LRRCC1: variants seen among roughly 807,000 people sequenced by gnomAD.
LRRCC1 encodes the protein leucine-rich repeat and coiled-coil domain-containing protein 1.
LRRCC1 carries 115 observed loss-of-function variants against 126.0 expected under a neutral mutation model. That is an observed-to-expected ratio of 0.91 (90% CI 0.78 to 1.07). The LOEUF is 1.07. LRRCC1 is among the 50% of genes least tolerant of loss of function. LRRCC1 has a pLI of 0.00. For synonymous variants in LRRCC1, 400 were observed against 393.4 expected, an observed-to-expected ratio of 1.02 and a Z score of -0.20; for missense variants, 1,172 against 1,175.7, an observed-to-expected ratio of 1.00 and a Z score of 0.05.
rs542444412 is a variant in LRRCC1, at chr8:85,138,565, A to G, written c.2840+90A>G. On this transcript the variant is annotated intron_variant, in intron 17 of 18. Transcript: ENST00000360375. Reference sequence around the variant, plus strand: ...TACGTATAAAGAGAGGAGGGCTAAAAATCATGTAAGACATAGTTATTTGCC... The same window carrying G: ...TACGTATAAAGAGAGGAGGGCTAAAGATCATGTAAGACATAGTTATTTGCC... The G allele has an allele frequency of 2.5e-5, 32 of 1,297,990 alleles. No individual in the cohort carries two copies. The East Asian group carries it at 7.3e-4, about 30-fold the overall frequency. 80.4% of individuals were successfully genotyped at this position (1,297,990 alleles called of 1,614,324 possible). A position where few individuals can be genotyped will look rare whatever the true frequency, so the allele number is the denominator to read the frequency against.
At chr8:85,125,481 G>T (rs894990869) in intron 8 of LRRCC1, among the ~76,000 whole-genome samples, 2 of 150,524 alleles carry the variant, frequency 1.3e-5, no homozygotes, top group African/African-American at 2.4e-5. Flanking sequence ...AGACCATCCC[G>T]GCTAAAATGG....
chr8:85,122,045 A>G (rs1011235907), intron 6 of LRRCC1, among the ~76,000 whole-genome samples: 9 of 152,132 alleles, frequency 5.9e-5, no homozygotes, highest in Non-Finnish European at 1.0e-4. Context: ...TTTTCACTGA[A>G]TGTAGAATTC....
chr8:85,124,436 TTAAAC>T (rs1443430918), intron 7 of LRRCC1, among the ~76,000 whole-genome samples: 49 of 152,288 alleles, frequency 3.2e-4, no homozygotes, highest in African/African-American at 1.2e-3. Context: ...TATGTCGATT[TTAAAC>T]TTTTAACTCT....
intron 8 of LRRCC1, among the ~76,000 whole-genome samples, chr8:85,126,230 G>A (rs899289066): frequency 2.6e-5 from 4 of 152,152 alleles, no homozygotes; most frequent in South Asian, 4.1e-4. Context: ...AGCAGGCACT[G>A]TTCTGCACTT....
In LRRCC1 at chr8:85,130,036, G is replaced by C. The variant is rs757621763; in HGVS notation, c.1744G>C (p.Ala582Pro). The C allele has an allele frequency of 2.5e-6, 4 of 1,592,410 alleles. No individual in the cohort carries two copies. Among genetic ancestry groups the C allele is most frequent in the Non-Finnish European group, 3.4e-6 (4 of 1,172,070 alleles). ...EQAQQLHQLLALKEQEHRKEL... is the reference protein window; with the variant it reads ...EQAQQLHQLLPLKEQEHRKEL... The stretch of plus-strand genomic sequence containing the variant: ...AGCGCAACAACTTCATCAACTTCTT[G>C]CATTGAAAGAACAGGAACACAGGTA... The change falls in exon 11 of 19, where the codon GCA becomes CCA. Residue 582 changes from alanine to proline, a missense_variant. Transcript: ENST00000360375.
chr8:85,129,206 T>C lies in LRRCC1; in HGVS notation c.1453T>C (p.Ser485Pro), dbSNP rs374189334. The C allele has an allele frequency of 1.4e-5, 22 of 1,611,512 alleles. No homozygotes were observed. The highest frequency in any genetic ancestry group is 3.4e-5 in the Admixed American group (2 of 59,662). ...LKEIIFRERNSKGQLEVMVHK... is the reference protein window; with the variant it reads ...LKEIIFRERNPKGQLEVMVHK... The stretch of plus-strand genomic sequence containing the variant: ...GGAAATTATTTTTAGAGAGAGAAAT[T>C]CCAAAGGACAACTCGAAGTTATGGT... The change falls in exon 10 of 19, where the codon TCC becomes CCC. Residue 485 changes from serine to proline, a missense_variant. Ser to Pro is a moderately conservative substitution (Grantham distance 74). Coordinates refer to ENST00000360375, the MANE Select transcript of LRRCC1 (RefSeq NM_033402.5).
chr8:85,126,758 A>G lies in LRRCC1; in HGVS notation c.1342A>G (p.Met448Val), dbSNP rs759920199. ...WRAEQAENKL[M>V]DYIDELHKHA... Reference sequence around the variant, plus strand: ...AGCTGAGCAAGCCGAAAATAAACTCATGGATTATATTGATGAGCTGCATAA... The same window carrying G: ...AGCTGAGCAAGCCGAAAATAAACTCGTGGATTATATTGATGAGCTGCATAA... Residue 448 changes from methionine (M) to valine (V), a missense_variant, in exon 9 of 19, where the codon ATG (methionine) becomes GTG (valine). By Grantham distance (21) the Met-to-Val change is conservative. Transcript: ENST00000360375. 1.1e-5 allele frequency: 17 copies of G among 1,612,250 alleles called. No homozygotes were observed. The Admixed American group carries it at 2.8e-4, about 27-fold the overall frequency.
At chr8:85,107,913 A>G (rs1392773906) in intron 1 of LRRCC1, among the ~76,000 whole-genome samples, 1 of 152,242 alleles carries the variant, frequency 6.6e-6, no homozygotes, top group African/African-American at 2.4e-5. Context: ...GAACATTGCA[A>G]TACATATATT....
intron 18 of LRRCC1, among the ~76,000 whole-genome samples, chr8:85,142,764 A>G (rs1448749929): frequency 2.0e-5 from 3 of 148,674 alleles, no homozygotes; most frequent in Non-Finnish European, 4.4e-5. Context: ...CTGGAGGCAG[A>G]GGTTTCAGTG....
intron 4 of LRRCC1, 136 bp downstream of exon 4, chr8:85,113,235 A>T (rs1808861202): frequency 1.5e-6 from 1 of 651,026 alleles, no homozygotes; most frequent in Non-Finnish European, 2.6e-6. Flanking sequence ...ACATGGTTAC[A>T]AATAAAATTA....
At position 85,135,769 on chromosome 8, in the gene LRRCC1, T is replaced by A. The variant is rs746198318; in HGVS notation, c.2155-20T>A. The A allele has an allele frequency of 1.5e-6, 2 of 1,350,992 alleles. No homozygotes were observed. Among genetic ancestry groups the A allele is most frequent in the African/African-American group, 3.0e-5 (2 of 66,042 alleles). The allele number at this position is 1,350,992 out of a possible 1,614,324, so 83.7% of individuals were successfully genotyped here. ...GCACTTAATATAATAATTCTTATTT[T>A]TTTTTTTGGGAATATACAGAATCAA... On this transcript the variant is annotated intron_variant, in intron 13 of 18. Coordinates refer to ENST00000360375, the MANE Select transcript of LRRCC1 (RefSeq NM_033402.5).
At chr8:85,128,474 CTCCCTGT>C in intron 9 of LRRCC1, among the ~76,000 whole-genome samples, 1 of 132,172 alleles carries the variant, frequency 7.6e-6, no homozygotes, top group Non-Finnish European at 1.5e-5. Flanking sequence ...CCTTACCAAT[CTCCCTGT>C]TCCCTTATGT....
In LRRCC1 at chr8:85,135,908, A is replaced by G; in HGVS notation, c.2274A>G (p.Leu758=). ...LISELAAKES[L]IFGLRTERKV... ...CTGAGCTAGCAGCCAAGGAATCACT[A>G]ATATTTGGTTTAAGGACAGAAAGAA... Residue 758 remains leucine, a synonymous_variant, in exon 14 of 19, where the codon CTA becomes CTG. Coordinates refer to ENST00000360375, the MANE Select transcript of LRRCC1 (RefSeq NM_033402.5). 6.2e-7 allele frequency: 1 copy of G among 1,608,066 alleles called. No individual in the cohort carries two copies. The highest frequency in any genetic ancestry group is 1.1e-5 in the South Asian group (1 of 90,186).
chr8:85,121,410 T>A (rs1217840157), intron 6 of LRRCC1, among the ~76,000 whole-genome samples: 5 of 152,048 alleles, frequency 3.3e-5, no homozygotes, highest in Non-Finnish European at 7.4e-5. Flanking sequence ...AATTCAGTTT[T>A]TTTTGTTTTG....
In LRRCC1 at chr8:85,112,955, A is replaced by C; in HGVS notation, c.400A>C (p.Lys134Gln). The change falls in exon 4 of 19, where the codon AAG becomes CAG. Residue 134 changes from lysine to glutamine, a missense_variant. By Grantham distance (53) the Lys-to-Gln change is moderately conservative. Coordinates refer to ENST00000360375, the MANE Select transcript of LRRCC1 (RefSeq NM_033402.5). ...AGGATTGATTCCCCTTCATGGAATT[A>C]AGCATAAACTTAGATATATTGATCT... ...LSGLIPLHGI[K>Q]HKLRYIDLHS... 1 of 1,575,532 alleles carries C rather than the reference A, an allele frequency of 6.3e-7. No individual in the cohort carries two copies. Among genetic ancestry groups the C allele is most frequent in the Non-Finnish European group, 8.6e-7 (1 of 1,160,014 alleles).
chr8:85,129,322 C>G lies in LRRCC1; in HGVS notation c.1569C>G (p.Thr523=). The G allele has an allele frequency of 1.2e-6, 2 of 1,612,298 alleles. No individual in the cohort carries two copies. Among genetic ancestry groups the G allele is most frequent in the Non-Finnish European group, 1.7e-6 (2 of 1,179,578 alleles). The part of the protein sequence containing the change: ...QQEDHLKHLR[T]LEKTLEKMER... The stretch of plus-strand genomic sequence containing the variant: ...AGGATCACCTTAAACACTTAAGAAC[C>G]CTCGAAAAAACATTAGAAAAAATGG... The change falls in exon 10 of 19, where the codon ACC becomes ACG. Residue 523 remains threonine, a synonymous_variant. Transcript: ENST00000360375.
chr8:85,144,442 GTGTATATA>G (rs1487127455), intron 18 of LRRCC1, among the ~76,000 whole-genome samples: 61 of 106,742 alleles, frequency 5.7e-4, no homozygotes, highest in Non-Finnish European at 7.1e-4. Flanking sequence ...GTGTGTGTGT[GTGTATATA>G]TATATATATA....
intron 11 of LRRCC1, among the ~76,000 whole-genome samples, chr8:85,130,691 A>G (rs1025737250): frequency 5.3e-5 from 8 of 152,064 alleles, no homozygotes; most frequent in Admixed American, 2.0e-4. Flanking sequence ...TTTTTAATTG[A>G]CCCCCAAGTT....
Position 85,110,186 on chromosome 8 carries a change from T to G in LRRCC1, c.376+6T>G. 1 of 1,218,296 alleles carries G rather than the reference T, an allele frequency of 8.2e-7. No homozygotes were observed. Among genetic ancestry groups the G allele is most frequent in the Non-Finnish European group, 1.1e-6 (1 of 879,038 alleles). 75.5% of individuals were successfully genotyped at this position (1,218,296 alleles called of 1,614,324 possible). On this transcript the variant is annotated splice_donor_region_variant and intron_variant, in intron 3 of 18. Coordinates refer to ENST00000360375, the MANE Select transcript of LRRCC1 (RefSeq NM_033402.5). ...CCACATAGATGATCTTAGTGGTAAGTAGAAATGCTTATGTTTTCTGTATGC... is the reference window on the plus strand; with the variant it reads ...CCACATAGATGATCTTAGTGGTAAGGAGAAATGCTTATGTTTTCTGTATGC...
Sources: allele counts gnomAD v4.1 joint callset (sites outside exome capture counted in the v4.1 genomes callset), GRCh38; gene constraint gnomAD v4.1.1; transcripts MANE v1.5; gene names NCBI Gene and HGNC (gene_info 2026-07-23, HGNC 2026-07-21).